The following HSD17B12 variants were observed in gnomAD, a reference collection of about 807,000 sequenced individuals.
HSD17B12 encodes the protein hydroxysteroid 17-beta dehydrogenase 12, also known as very-long-chain 3-oxoacyl-CoA reductase.
A neutral mutation model predicts 39.3 loss-of-function variants in HSD17B12; 32 were observed. That is an observed-to-expected ratio of 0.81 (90% CI 0.61 to 1.09). HSD17B12 has a LOEUF of 1.09. HSD17B12 is among the 50% of genes least tolerant of loss of function. HSD17B12 has a pLI of 0.00. For missense variants in HSD17B12, 342 were observed against 382.9 expected (o/e 0.89, Z 0.89); for synonymous variants, 150 against 146.7 (o/e 1.02, Z -0.16).
chr11:43,755,626 T>C (rs1016647191), intron 3 of HSD17B12: 2 of 152,254 alleles, frequency 1.3e-5, no homozygotes, highest in Admixed American at 6.5e-5. Flanking sequence ...ATTTCTTCTA[T>C]ATTTTGTTAC....
intron 6 of HSD17B12, among the ~76,000 whole-genome samples, chr11:43,822,320 G>A (rs1468822948): frequency 6.6e-6 from 1 of 152,118 alleles, no homozygotes; most frequent in Non-Finnish European, 1.5e-5. Flanking sequence ...ACTTTTTTAA[G>A]TCAACTTGAG....
chr11:43,775,445 T>C (rs1950690994), intron 3 of HSD17B12, among the ~76,000 whole-genome samples: 1 of 152,024 alleles, frequency 6.6e-6, no homozygotes, highest in African/African-American at 2.4e-5. Context: ...ATTTGGTGGC[T>C]CCTGATCCAG....
intron 1 of HSD17B12, among the ~76,000 whole-genome samples, chr11:43,720,391 G>T (rs61883793): frequency 0.15 from 23,421 of 152,162 alleles, 1,965 homozygotes; most frequent in Non-Finnish European, 0.19. Flanking sequence ...GTTAAATTAG[G>T]TAAATATTAT....
chr11:43,662,231 A>G, the HSD17B12 span, among the ~76,000 whole-genome samples: 6 of 146,496 alleles, frequency 4.1e-5, no homozygotes, highest in African/African-American at 1.3e-4. Flanking sequence ...CGGAGTTTCA[A>G]TCTGTCACCT....
chr11:43,557,223 C>G, the HSD17B12 span, among the ~76,000 whole-genome samples: 1 of 152,312 alleles, frequency 6.6e-6, no homozygotes, highest in African/African-American at 2.4e-5. Flanking sequence ...TGGCTTCCCC[C>G]ACCCTAGTGT....
upstream of HSD17B12, chr11:43,680,732 A>T: frequency 1.9e-6 from 2 of 1,080,378 alleles, no homozygotes; most frequent in South Asian, 1.3e-5. Context: ...AGCAGCGCCT[A>T]TTAGTGTCAT....
chr11:43,683,059 T>C (rs1012924489), intron 1 of HSD17B12, among the ~76,000 whole-genome samples: 1 of 151,666 alleles, frequency 6.6e-6, no homozygotes, highest in Non-Finnish European at 1.5e-5. Flanking sequence ...CCCAAAGTGC[T>C]GGGATTACAT....
At chr11:43,693,361 T>C (rs2134787366) in intron 1 of HSD17B12, among the ~76,000 whole-genome samples, 1 of 152,292 alleles carries the variant, frequency 6.6e-6, no homozygotes, top group Non-Finnish European at 1.5e-5. Flanking sequence ...CATCACACAT[T>C]CCTGAAACTG....
the HSD17B12 span, chr11:43,646,288 G>C: frequency 6.6e-6 from 1 of 152,250 alleles, no homozygotes; most frequent in South Asian, 2.1e-4. Flanking sequence ...TCTCAGGAAA[G>C]TATTTCCTTC....
chr11:43,606,334 G>A, the HSD17B12 span, among the ~76,000 whole-genome samples: 1 of 152,164 alleles, frequency 6.6e-6, no homozygotes, highest in Admixed American at 6.5e-5. Context: ...TCCTAAAGTG[G>A]CCCTACTTCA....
intron 5 of HSD17B12, 35 bp from the exon 6 acceptor site, chr11:43,816,312 C>G (rs770189677): frequency 4.9e-6 from 7 of 1,425,784 alleles, no homozygotes; most frequent in Admixed American, 2.1e-5. Context: ...CTTTCATGAT[C>G]AAGTGTATAT....
the HSD17B12 span, among the ~76,000 whole-genome samples, chr11:43,563,818 T>TA: frequency 6.6e-6 from 1 of 152,168 alleles, no homozygotes; most frequent in Non-Finnish European, 1.5e-5. Context: ...ATCCTGTCTT[T>TA]AAAAAATAAG....
chr11:43,587,156 T>C, the HSD17B12 span, among the ~76,000 whole-genome samples: 1 of 152,224 alleles, frequency 6.6e-6, no homozygotes. Flanking sequence ...AATTAAGTGC[T>C]TTGGAGGTCA....
intron 6 of HSD17B12, among the ~76,000 whole-genome samples, chr11:43,829,444 C>T (rs1351705486): frequency 2.0e-5 from 3 of 152,070 alleles, no homozygotes; most frequent in Non-Finnish European, 4.4e-5. Flanking sequence ...TGTTTTGTCT[C>T]ATGATTTTCT....
the HSD17B12 span, among the ~76,000 whole-genome samples, chr11:43,672,416 A>G: frequency 6.6e-6 from 1 of 152,178 alleles, no homozygotes; most frequent in Non-Finnish European, 1.5e-5. Flanking sequence ...AGTAGTCCGT[A>G]TGCAAGAAGG....
chr11:43,779,692 C>T lies in HSD17B12; in HGVS notation c.284-18628C>T, dbSNP rs958225285. On this transcript the variant is annotated intron_variant, in intron 3 of 10. Transcript: ENST00000278353. ...ATTGGAGAACATTTTGAATGTAAGG[C>T]GAGTTTAACTTTCAGTCTTTGCCTT... 5.3e-5 allele frequency among the ~76,000 whole-genome samples: 8 copies of T among 152,284 alleles called. No individual in the cohort carries two copies. The South Asian group carries it at 6.2e-4, about 12-fold the overall frequency.
chr11:43,699,600 G>T (rs1016131734), intron 1 of HSD17B12, among the ~76,000 whole-genome samples: 3 of 151,950 alleles, frequency 2.0e-5, no homozygotes, highest in Non-Finnish European at 4.4e-5. Context: ...TTTTCAAATT[G>T]TTTGTTAATG....
At chr11:43,611,986 TATTATTCTCCTTATC>T in the HSD17B12 span, among the ~76,000 whole-genome samples, 2 of 152,228 alleles carry the variant, frequency 1.3e-5, no homozygotes, top group Non-Finnish European at 2.9e-5. Flanking sequence ...TAGTGATTAC[TATTATTCTCCTTATC>T]ATTATTTTTG....
chr11:43,795,212 A>G (rs1323130852), intron 3 of HSD17B12, among the ~76,000 whole-genome samples: 3 of 152,012 alleles, frequency 2.0e-5, no homozygotes, highest in African/African-American at 7.2e-5. Flanking sequence ...GGGAAGGGGG[A>G]AGATGCCTAG....
Sources: gnomAD v4.1 joint callset for allele counts (sites outside exome capture counted in the v4.1 genomes callset) on GRCh38, gnomAD v4.1.1 for gene constraint, MANE v1.5 for transcripts, NCBI Gene and HGNC (gene_info 2026-07-23, HGNC 2026-07-21) for gene names.